Variants in IGSF10 observed in about 807,000 individuals in gnomAD.
The protein encoded by IGSF10 is calvaria mechanical force protein 608.
A neutral mutation model predicts 128.2 loss-of-function variants in IGSF10; 126 were observed. That is an observed-to-expected ratio of 0.98 (90% CI 0.85 to 1.14). The LOEUF is 1.14. Ranked by LOEUF, IGSF10 falls within the 50% of genes most tolerant of loss-of-function variation. The probability of loss-of-function intolerance (pLI) is 0.00; values close to 1 mark genes in which losing one functional copy is unlikely to be tolerated. For synonymous variants in IGSF10, 1,185 were observed against 1,146.2 expected (o/e 1.03, Z -0.68); for missense variants, 3,295 against 3,149.8 (o/e 1.05, Z -1.10).
chr3:151,437,148 A>T lies in IGSF10; in HGVS notation c.7413T>A (p.Gly2471=). Residue 2471 remains glycine, a synonymous_variant, in exon 8 of 8, where the codon GGT becomes GGA. Coordinates refer to ENST00000282466, the MANE Select transcript of IGSF10 (RefSeq NM_178822.5). ...TAATTTGAGGCCTGTCTACTACATA[A>T]CCACTTGGCATAGTCCATTTGATAT... ...KPNIKWTMPS[G]YVVDRPQING... is the part of the protein sequence containing the mutation. 1.2e-6 allele frequency: 2 copies of T among 1,614,184 alleles called. No individual in the cohort carries two copies. Among genetic ancestry groups the T allele is most frequent in the Non-Finnish European group, 1.7e-6 (2 of 1,180,014 alleles).
the IGSF10 span, among the ~76,000 whole-genome samples, chr3:151,554,339 T>A: frequency 0.65 from 99,198 of 151,646 alleles, 32,540 homozygotes; most frequent in Middle Eastern, 0.71. Flanking sequence ...TTTAAAAAAG[T>A]CAATAGCCCA....
Position 151,448,297 on chromosome 3 carries a change from G to A in IGSF10, c.1684C>T (p.Leu562Phe), listed in dbSNP as rs1449661062. ...TCTACCACAGTTATCCTATAGGTGA[G>A]AATATCTGCATCATCATAATTGCTG... Reference protein sequence around the residue: ...ISSNYDDADILTYRITVVEPL... With the variant: ...ISSNYDDADIFTYRITVVEPL... The change falls in exon 6 of 8, where the codon CTC (leucine) becomes TTC (phenylalanine). Residue 562 changes from leucine (L) to phenylalanine (F), a missense_variant. By Grantham distance (22) the Leu-to-Phe change is conservative. Coordinates refer to ENST00000282466, the MANE Select transcript of IGSF10 (RefSeq NM_178822.5). The A allele has an allele frequency of 1.7e-5, 27 of 1,614,100 alleles. No individual in the cohort carries two copies. The highest frequency in any genetic ancestry group is 2.3e-5 in the Non-Finnish European group (27 of 1,180,040).
chr3:151,446,964 A>C lies in IGSF10; in HGVS notation c.3017T>G (p.Leu1006Arg). 1 of 1,614,216 alleles carries C rather than the reference A, an allele frequency of 6.2e-7. No individual in the cohort carries two copies. Among genetic ancestry groups the C allele is most frequent in the South Asian group, 1.1e-5 (1 of 91,086 alleles). The change falls in exon 6 of 8, where the codon CTG becomes CGG. Residue 1006 changes from leucine (L) to arginine (R), a missense_variant. Leu to Arg is a moderately radical substitution (Grantham distance 102). Coordinates refer to ENST00000282466, the MANE Select transcript of IGSF10 (RefSeq NM_178822.5). ...IPRNSTVNIP[L>R]FRRFGRQRKI... Reference sequence around the variant, plus strand: ...CCTCTGCCTCCCAAAGCGTCTGAACAGCGGGATGTTAACTGTACTATTTCT... The same window carrying C: ...CCTCTGCCTCCCAAAGCGTCTGAACCGCGGGATGTTAACTGTACTATTTCT...
rs1476198466 is a variant in IGSF10, at chr3:151,445,267, C to T, written c.4714G>A (p.Glu1572Lys). 1 of 1,614,178 alleles carries T rather than the reference C, an allele frequency of 6.2e-7. No individual in the cohort carries two copies. The highest frequency in any genetic ancestry group is 1.1e-5 in the South Asian group (1 of 91,086). The part of the protein sequence containing the change: ...NSKLTPSPWA[E>K]NQFWHKPYSE... ...TATGGTTTGTGCCAAAATTGGTTTT[C>T]TGCCCAGGGAGATGGAGTTAATTTA... The change falls in exon 6 of 8, where the codon GAA (glutamate) becomes AAA (lysine). Residue 1572 changes from glutamate (E) to lysine (K), a missense_variant. Glu to Lys is a moderately conservative substitution (Grantham distance 56, BLOSUM62 1). Transcript: ENST00000282466.
At chr3:151,492,551 C>T in the IGSF10 span, among the ~76,000 whole-genome samples, 1 of 152,076 alleles carries the variant, frequency 6.6e-6, no homozygotes, top group South Asian at 2.1e-4. Flanking sequence ...CCTGACACCT[C>T]TACTAAAAAT....
At position 151,446,229 on chromosome 3, in the gene IGSF10, TG is replaced by T; in HGVS notation, c.3751del (p.His1251IlefsTer9). 6.2e-7 allele frequency: 1 copy of T among 1,613,558 alleles called. No individual in the cohort carries two copies. The highest frequency in any genetic ancestry group is 1.1e-5 in the South Asian group (1 of 91,014). On this transcript the variant is annotated frameshift_variant, in exon 6 of 8. Coordinates refer to ENST00000282466, the MANE Select transcript of IGSF10 (RefSeq NM_178822.5). LOFTEE classifies it high-confidence loss of function. ...CACACTTGTTGAAAGTGTGGTGAAATGGAAAGGGGAGACTTTGTCTCTGGGT... is the reference window on the plus strand; with the variant it reads ...CACACTTGTTGAAAGTGTGGTGAAATGAAAGGGGAGACTTTGTCTCTGGGT... ...ALPRDKVSPF[H>X]FTTLSTSVMQ... is the part of the protein sequence containing the mutation.
chr3:151,443,488 C>A lies in IGSF10; in HGVS notation c.5459G>T (p.Cys1820Phe), dbSNP rs770724810. ...CTGGCCACCTGGGTTGCTGGCCACA[C>A]ATTTGTAAAAGCCACGGTCATAAAT... is the stretch of plus-strand genomic sequence containing the variant. ...LSIYDRGFYKCVASNPGGQDS... is the reference protein window; with the variant it reads ...LSIYDRGFYKFVASNPGGQDS... The change falls in exon 7 of 8, where the codon TGT becomes TTT. Residue 1820 changes from cysteine to phenylalanine, a missense_variant. By Grantham distance (205) the Cys-to-Phe change is radical. Coordinates refer to ENST00000282466, the MANE Select transcript of IGSF10 (RefSeq NM_178822.5). The A allele has an allele frequency of 4.3e-6, 7 of 1,614,192 alleles. No individual in the cohort carries two copies. The highest frequency in any genetic ancestry group is 1.7e-5 in the Admixed American group (1 of 60,032).
At chr3:151,551,054 A>G in the IGSF10 span, among the ~76,000 whole-genome samples, 1 of 152,104 alleles carries the variant, frequency 6.6e-6, no homozygotes, top group African/African-American at 2.4e-5. Flanking sequence ...ACCCATCTCA[A>G]GATTAACTTG....
chr3:151,613,634 G>A, the IGSF10 span, among the ~76,000 whole-genome samples: 92 of 152,268 alleles, frequency 6.0e-4, no homozygotes, highest in Middle Eastern at 3.4e-3. Flanking sequence ...GTAGAAAGCT[G>A]AAACTGGATC....
the IGSF10 span, among the ~76,000 whole-genome samples, chr3:151,476,526 A>G: frequency 6.6e-6 from 1 of 152,092 alleles, no homozygotes; most frequent in Non-Finnish European, 1.5e-5. Context: ...TCTTCCGGCC[A>G]GAGGAGGTAT....
the IGSF10 span, among the ~76,000 whole-genome samples, chr3:151,497,272 T>A: frequency 6.6e-6 from 1 of 152,212 alleles, no homozygotes; most frequent in Non-Finnish European, 1.5e-5. Flanking sequence ...CTGAATGGTA[T>A]TGCCTAGGTT....
the IGSF10 span, among the ~76,000 whole-genome samples, chr3:151,488,051 A>T: frequency 3.9e-5 from 6 of 152,206 alleles, no homozygotes; most frequent in African/African-American, 1.4e-4. Context: ...CTCTGTTTGC[A>T]GATGACATGA....
chr3:151,472,275 T>C, the IGSF10 span, among the ~76,000 whole-genome samples: 1 of 152,214 alleles, frequency 6.6e-6, no homozygotes, highest in East Asian at 1.9e-4. Context: ...GATATCAGTA[T>C]ATTCTTGCAA....
the IGSF10 span, among the ~76,000 whole-genome samples, chr3:151,587,545 G>C: frequency 6.6e-6 from 1 of 152,024 alleles, no homozygotes; most frequent in Admixed American, 6.6e-5. Context: ...GCTTGTATAG[G>C]ATTACAAATT....
At chr3:151,541,434 G>T in the IGSF10 span, among the ~76,000 whole-genome samples, 1 of 152,106 alleles carries the variant, frequency 6.6e-6, no homozygotes, top group Non-Finnish European at 1.5e-5. Flanking sequence ...AAAGTTCTTT[G>T]TTTAATTTGC....
At chr3:151,569,555 T>C in the IGSF10 span, among the ~76,000 whole-genome samples, 1 of 152,092 alleles carries the variant, frequency 6.6e-6, no homozygotes, top group East Asian at 1.9e-4. Context: ...AGTAGGGGTA[T>C]TGCAATGCCT....
At chr3:151,442,641 G>A (rs937549758) in intron 7 of IGSF10, among the ~76,000 whole-genome samples, 18 of 148,394 alleles carry the variant, frequency 1.2e-4, no homozygotes, top group Admixed American at 3.4e-4. Context: ...CATCTGTCTC[G>A]GCCTCCCAAA....
downstream of IGSF10, chr3:151,433,678 A>T: frequency 6.6e-6 from 1 of 152,632 alleles, no homozygotes; most frequent in Non-Finnish European, 1.5e-5. Context: ...GGGAAAAAAA[A>T]ATCCAGTAGC....
At position 151,436,619 on chromosome 3, in the gene IGSF10, G is replaced by A; in HGVS notation, c.*70C>T. On this transcript the variant is annotated 3_prime_UTR_variant, in exon 8 of 8. Coordinates refer to ENST00000282466, the MANE Select transcript of IGSF10 (RefSeq NM_178822.5). ...TATTCAAATTCATTTACATGCCTAT[G>A]GCTGCCTTTGATTAAACTTCTTCCA... The A allele has an allele frequency of 6.6e-6, 7 of 1,058,930 alleles. No homozygotes were observed. The highest frequency in any genetic ancestry group is 9.7e-6 in the Non-Finnish European group (7 of 718,990). The allele number at this position is 1,058,930 out of a possible 1,614,324, so 65.6% of individuals were successfully genotyped here.
Sources: gnomAD v4.1 joint callset for allele counts (sites outside exome capture counted in the v4.1 genomes callset) on GRCh38, gnomAD v4.1.1 for gene constraint, MANE v1.5 for transcripts, NCBI Gene and HGNC (gene_info 2026-07-23, HGNC 2026-07-21) for gene names.